Variants in LGALS9B observed in about 807,000 individuals in gnomAD.
LGALS9B encodes the protein galectin-9B.
LGALS9B carries 8 observed loss-of-function variants against 35.9 expected under a neutral mutation model. The ratio of observed to expected loss-of-function variants is 0.22; its 90% CI spans 0.13 to 0.40. LGALS9B has a LOEUF of 0.40. Among genes scored for constraint, LGALS9B ranks in the 10% least tolerant of loss-of-function variants. The pLI is 1.00. For synonymous variants in LGALS9B, 42 were observed against 148.6 expected (o/e 0.28, Z 5.22); for missense variants, 101 against 397.9 (o/e 0.25, Z 6.35).
intron 5 of LGALS9B, among the ~76,000 whole-genome samples, chr17:20,454,560 C>T (rs2042672561): frequency 1.3e-5 from 2 of 148,156 alleles, no homozygotes; most frequent in Admixed American, 1.4e-4. Flanking sequence ...CAGGGACAGA[C>T]ACGCAAACAG....
Position 20,451,524 on chromosome 17 carries a change from C to G in LGALS9B, c.881G>C (p.Ser294Thr). ...GACGAAGGGCATTTTTCGGGGCAGA[C>G]TTCGCTCCTCAGACCCCCAAGAGTT... ...INNSWGSEER[S>T]LPRKMPFVRG... Residue 294 changes from serine (S) to threonine (T), a missense_variant, in exon 10 of 11, where the codon AGT becomes ACT. Physicochemically the swap from Ser to Thr is moderately conservative, Grantham distance 58. Transcript: ENST00000423676. 6.4e-7 allele frequency: 1 copy of G among 1,565,902 alleles called. No homozygotes were observed. The highest frequency in any genetic ancestry group is 8.6e-7 in the Non-Finnish European group (1 of 1,160,514).
Position 20,460,252 on chromosome 17 carries a change from A to C in LGALS9B, c.131+100T>G, listed in dbSNP as rs2042716948. 3.1e-6 allele frequency: 5 copies of C among 1,602,348 alleles called. No homozygotes were observed. The Admixed American group carries it at 8.4e-5, about 27-fold the overall frequency. On this transcript the variant is annotated intron_variant, in intron 2 of 10. Transcript: ENST00000423676. ...GGGTCTCCCCTGCGCCAGGCACGTG[A>C]GCTTGGATGTTGTTGTTTGAACTAA...
intron 5 of LGALS9B, among the ~76,000 whole-genome samples, chr17:20,454,563 G>A (rs1375836709): frequency 6.8e-6 from 1 of 147,778 alleles, no homozygotes; most frequent in African/African-American, 2.4e-5. Context: ...GGACAGACAC[G>A]CAAACAGTTA....
intron 10 of LGALS9B, among the ~76,000 whole-genome samples, chr17:20,450,836 C>G (rs1567659417): frequency 6.6e-6 from 1 of 151,248 alleles, no homozygotes; most frequent in Non-Finnish European, 1.5e-5. Flanking sequence ...GGTCCCAGCA[C>G]CTATATGTTC....
At chr17:20,465,638 T>C (rs1317689990) in intron 1 of LGALS9B, among the ~76,000 whole-genome samples, 2 of 82,574 alleles carry the variant, frequency 2.4e-5, no homozygotes, top group African/African-American at 9.5e-5. Flanking sequence ...TATTCCTGGC[T>C]CTCGCAGTGC....
chr17:20,454,534 G>C (rs1205124877), intron 5 of LGALS9B, among the ~76,000 whole-genome samples: 5 of 150,804 alleles, frequency 3.3e-5, no homozygotes, highest in Non-Finnish European at 7.4e-5. Context: ...GGCATAGGGA[G>C]ATGGGGGTGG....
intron 5 of LGALS9B, among the ~76,000 whole-genome samples, chr17:20,454,581 G>C (rs1178028443): frequency 6.9e-6 from 1 of 145,190 alleles, no homozygotes; most frequent in Non-Finnish European, 1.5e-5. Flanking sequence ...TTACAATGGG[G>C]TGCTGTGAAC....
chr17:20,451,095 G>C (rs2042644590), intron 10 of LGALS9B, among the ~76,000 whole-genome samples: 2 of 151,056 alleles, frequency 1.3e-5, no homozygotes, highest in Admixed American at 1.3e-4. Context: ...GACCCTATGT[G>C]TCTGCTTCAT....
In LGALS9B at chr17:20,455,323, G is replaced by A. The variant is rs564671153; in HGVS notation, c.520C>T (p.Pro174Ser). The A allele has an allele frequency of 5.2e-6, 7 of 1,351,890 alleles. 1 individual carries two copies. The Admixed American group carries it at 9.9e-5, about 19-fold the overall frequency. 83.7% of individuals were successfully genotyped at this position (1,351,890 alleles called of 1,614,324 possible). ...FSQPVCFPPR[P>S]RGRRQKPPSV... Reference sequence around the variant, plus strand: ...CTCACTTTTTGTCTGCGCCCCCTGGGCCTGGGTGGGAAACAGACAGGCTGG... The same window carrying A: ...CTCACTTTTTGTCTGCGCCCCCTGGACCTGGGTGGGAAACAGACAGGCTGG... The change falls in exon 5 of 11, where the codon CCC (proline) becomes TCC (serine). Residue 174 changes from proline (P) to serine (S), a missense_variant. Pro to Ser is a moderately conservative substitution (Grantham distance 74). Coordinates refer to ENST00000423676, the MANE Select transcript of LGALS9B (RefSeq NM_001367292.2).
intron 1 of LGALS9B, among the ~76,000 whole-genome samples, chr17:20,467,081 T>C (rs968588382): frequency 2.1e-5 from 3 of 143,300 alleles, no homozygotes; most frequent in African/African-American, 8.2e-5. Flanking sequence ...GTACGCACCC[T>C]TAACTACCAT....
At chr17:20,464,200 G>A (rs1170566459) in intron 1 of LGALS9B, among the ~76,000 whole-genome samples, 4 of 147,200 alleles carry the variant, frequency 2.7e-5, no homozygotes, top group South Asian at 2.3e-4. Flanking sequence ...CCAGGCTCAC[G>A]CGATCCTCCC....
intron 1 of LGALS9B, among the ~76,000 whole-genome samples, chr17:20,466,117 G>A (rs1349686788): frequency 6.6e-6 from 1 of 152,028 alleles, no homozygotes. Context: ...AACCAGAAAC[G>A]GGGTGACATG....
intron 2 of LGALS9B, among the ~76,000 whole-genome samples, chr17:20,458,947 A>AAG (rs1555546386): frequency 2.3e-3 from 319 of 137,054 alleles, no homozygotes; most frequent in African/African-American, 8.5e-3. Flanking sequence ...AAAAAACAAA[A>AAG]AGATATATAT....
At chr17:20,467,233 G>A (rs1215444154) in intron 1 of LGALS9B, among the ~76,000 whole-genome samples, 199 bp downstream of exon 1, 1 of 144,782 alleles carries the variant, frequency 6.9e-6, no homozygotes, top group Admixed American at 6.9e-5. Flanking sequence ...TTCATGGGAG[G>A]AGCATCCCTC....
intron 4 of LGALS9B, among the ~76,000 whole-genome samples, chr17:20,456,286 C>T (rs1208826236): frequency 1.4e-5 from 2 of 138,794 alleles, no homozygotes; most frequent in African/African-American, 5.4e-5. Context: ...AGCCTGGGCT[C>T]TTTCTAGAAC....
Position 20,460,376 on chromosome 17 carries a change from G to T in LGALS9B, c.107C>A (p.Ala36Asp). Residue 36 changes from alanine (A) to aspartate (D), a missense_variant, in exon 2 of 11, where the codon GCC becomes GAC. Ala to Asp is a moderately radical substitution (Grantham distance 126). Transcript: ENST00000423676. Reference protein sequence around the residue: ...QDGFQITVNGAVLSSSGTRFA... With the variant: ...QDGFQITVNGDVLSSSGTRFA... ...CCTGGTTCCACTGGAGCTGAGAACG[G>T]CCCCATTGACAGTGATCTGAAATCC... 1 of 1,601,152 alleles carries T rather than the reference G, an allele frequency of 6.2e-7. No individual in the cohort carries two copies. The highest frequency in any genetic ancestry group is 1.1e-5 in the South Asian group (1 of 91,002).
chr17:20,466,249 G>C (rs960199542), intron 1 of LGALS9B, among the ~76,000 whole-genome samples: 31 of 150,756 alleles, frequency 2.1e-4, no homozygotes, highest in Middle Eastern at 6.8e-3. Flanking sequence ...AGGGGTCATT[G>C]GTGACAGCCA....
At chr17:20,450,805 C>A (rs1438126531) in intron 10 of LGALS9B, among the ~76,000 whole-genome samples, 3 of 149,482 alleles carry the variant, frequency 2.0e-5, no homozygotes, top group Non-Finnish European at 4.5e-5. Context: ...CCAGGCTGAC[C>A]GCCTCATTGG....
At chr17:20,460,886 T>C (rs1353359165) in intron 1 of LGALS9B, among the ~76,000 whole-genome samples, 9 of 147,232 alleles carry the variant, frequency 6.1e-5, no homozygotes, top group African/African-American at 2.2e-4. Flanking sequence ...GGCTGGGGAC[T>C]CAGGAGGCCC....
Sources: gnomAD v4.1 joint callset for allele counts (sites outside exome capture counted in the v4.1 genomes callset) on GRCh38, gnomAD v4.1.1 for gene constraint, MANE v1.5 for transcripts, NCBI Gene and HGNC (gene_info 2026-07-23, HGNC 2026-07-21) for gene names.